CSNK2A2IP: variants seen among roughly 807,000 people sequenced by gnomAD.
CSNK2A2IP encodes casein kinase II subunit alpha'-interacting protein.
At chr3:88,349,025 T>C in the CSNK2A2IP span, among the ~76,000 whole-genome samples, 41 of 152,100 alleles carry the variant, frequency 2.7e-4, no homozygotes, top group Non-Finnish European at 1.6e-4. Context: ...CTCTATTTCT[T>C]CAAACCCAGA....
the CSNK2A2IP span, among the ~76,000 whole-genome samples, chr3:88,397,674 T>C: frequency 6.6e-6 from 1 of 152,034 alleles, no homozygotes; most frequent in Admixed American, 6.6e-5. Context: ...TTTATATTCA[T>C]AAAATATTAA....
the CSNK2A2IP span, among the ~76,000 whole-genome samples, chr3:88,449,163 G>T: frequency 3.3e-5 from 5 of 151,902 alleles, no homozygotes; most frequent in Non-Finnish European, 7.4e-5. Context: ...TTTATTTGGT[G>T]AACTTATTTT....
At chr3:88,367,827 A>T in the CSNK2A2IP span, among the ~76,000 whole-genome samples, 1 of 152,108 alleles carries the variant, frequency 6.6e-6, no homozygotes, top group Non-Finnish European at 1.5e-5. Flanking sequence ...CCTCATTTGG[A>T]ACGCACTTAT....
chr3:88,409,862 A>G, the CSNK2A2IP span, among the ~76,000 whole-genome samples: 1 of 152,074 alleles, frequency 6.6e-6, no homozygotes, highest in East Asian at 1.9e-4. Context: ...AAACAATAAA[A>G]ACTCAAATTA....
chr3:88,452,100 AC>A, the CSNK2A2IP span, among the ~76,000 whole-genome samples: 4 of 151,988 alleles, frequency 2.6e-5, no homozygotes, highest in Non-Finnish European at 5.9e-5. Context: ...CTAACAATTT[AC>A]CCTGTTTCAT....
At chr3:88,383,097 A>AT in the CSNK2A2IP span, among the ~76,000 whole-genome samples, 5,899 of 150,058 alleles carry the variant, frequency 0.039, 162 homozygotes, top group East Asian at 0.14. Flanking sequence ...CCCTCTACTT[A>AT]TTTTTTTTTG....
chr3:88,346,874 T>C, the CSNK2A2IP span, among the ~76,000 whole-genome samples: 9 of 151,962 alleles, frequency 5.9e-5, no homozygotes, highest in Non-Finnish European at 1.3e-4. Flanking sequence ...CTGCCATAGA[T>C]AGTGATTCCT....
At chr3:88,403,090 T>C in the CSNK2A2IP span, among the ~76,000 whole-genome samples, 2 of 152,062 alleles carry the variant, frequency 1.3e-5, no homozygotes, top group African/African-American at 4.8e-5. Context: ...TCAATCCTAG[T>C]TCAGTCTCAG....
chr3:88,463,852 C>T, the CSNK2A2IP span, among the ~76,000 whole-genome samples: 791 of 151,936 alleles, frequency 5.2e-3, 9 homozygotes, highest in African/African-American at 0.018. Flanking sequence ...CACATGCACA[C>T]GTATGTTTAT....
the CSNK2A2IP span, among the ~76,000 whole-genome samples, chr3:88,357,353 T>C: frequency 8.5e-5 from 13 of 152,270 alleles, no homozygotes; most frequent in Admixed American, 2.6e-4. Context: ...TGTATGTTCT[T>C]GGCACTTTTG....
chr3:88,412,402 A>G, the CSNK2A2IP span, among the ~76,000 whole-genome samples: 1 of 151,964 alleles, frequency 6.6e-6, no homozygotes, highest in Non-Finnish European at 1.5e-5. Context: ...TCCCTGGACA[A>G]GGAGAGGCTC....
At chr3:88,407,292 CAAA>C in the CSNK2A2IP span, among the ~76,000 whole-genome samples, 3,178 of 102,942 alleles carry the variant, frequency 0.031, 41 homozygotes, top group Middle Eastern at 0.1. Flanking sequence ...CAGAAAAGTC[CAAA>C]AAAAAAAAAA....
the CSNK2A2IP span, among the ~76,000 whole-genome samples, chr3:88,396,688 G>T: frequency 6.6e-5 from 10 of 152,288 alleles, no homozygotes; most frequent in East Asian, 1.7e-3. Context: ...TACCTTAGTG[G>T]CTAGATAATG....
the CSNK2A2IP span, among the ~76,000 whole-genome samples, chr3:88,462,669 G>A: frequency 6.6e-6 from 1 of 152,296 alleles, no homozygotes; most frequent in African/African-American, 2.4e-5. Context: ...GCTTGGGAGG[G>A]TGAAGCTGCC....
chr3:88,359,668 G>A, the CSNK2A2IP span, among the ~76,000 whole-genome samples: 150,491 of 152,292 alleles, frequency 0.99, 74,385 homozygotes, highest in East Asian at 1. Context: ...GTGTTTGTAT[G>A]GTTTCCAAAG....
At chr3:88,385,677 G>A in the CSNK2A2IP span, among the ~76,000 whole-genome samples, 1 of 152,144 alleles carries the variant, frequency 6.6e-6, no homozygotes, top group Non-Finnish European at 1.5e-5. Flanking sequence ...GCAAGCAAGG[G>A]AAATGCAGCT....
At chr3:88,437,338 A>G in the CSNK2A2IP span, among the ~76,000 whole-genome samples, 4 of 152,226 alleles carry the variant, frequency 2.6e-5, no homozygotes, top group African/African-American at 7.2e-5. Context: ...GAGTTAGACC[A>G]AATTCAAATC....
the CSNK2A2IP span, among the ~76,000 whole-genome samples, chr3:88,430,617 G>A: frequency 6.6e-6 from 1 of 152,038 alleles, no homozygotes; most frequent in African/African-American, 2.4e-5. Flanking sequence ...ACCAGTTATA[G>A]AGTATCCAAT....
chr3:88,363,138 G>A, the CSNK2A2IP span, among the ~76,000 whole-genome samples: 1 of 152,098 alleles, frequency 6.6e-6, no homozygotes, highest in Non-Finnish European at 1.5e-5. Flanking sequence ...TGCAGAGTGG[G>A]GATGGGCAGT....
Sources: gnomAD v4.1 joint callset for allele counts (sites outside exome capture counted in the v4.1 genomes callset) on GRCh38, gnomAD v4.1.1 for gene constraint, MANE v1.5 for transcripts, NCBI Gene and HGNC (gene_info 2026-07-23, HGNC 2026-07-21) for gene names.